SH3BP2: variants seen among roughly 807,000 people sequenced by gnomAD.
SH3BP2 encodes SH3 domain binding protein 2.
In SH3BP2, 38 loss-of-function variants were observed where a neutral mutation model predicts 56.2. That is an observed-to-expected ratio of 0.68 (90% CI 0.52 to 0.89). The LOEUF (loss-of-function observed/expected upper bound fraction) is 0.89, where lower values mean the gene tolerates loss of function less well. Ranked by LOEUF, SH3BP2 falls within the 40% of genes least tolerant of loss-of-function variation. SH3BP2 has a pLI of 0.00. For missense variants in SH3BP2, 748 were observed against 762.6 expected (o/e 0.98, Z 0.23); for synonymous variants, 346 against 316.7 (o/e 1.09, Z -0.98).
Position 2,812,738 on chromosome 4 carries a change from C to CA in SH3BP2, c.-4-7875dup, listed in dbSNP as rs1553803392. Among the ~76,000 whole-genome samples, 16 of 152,144 alleles carry CA rather than the reference C, an allele frequency of 1.1e-4. No homozygotes were observed. In the South Asian group the frequency reaches 2.7e-3, roughly 26 times the overall value. On this transcript the variant is annotated intron_variant, in intron 1 of 12. Transcript: ENST00000503393. ...ATACTTAGAACCCCCCCCACCCCCC[C>CA]ATCACATGCGGCCGACAGGGAGGCG...
intron 12 of SH3BP2, 90 bp downstream of exon 12, chr4:2,833,139 G>A (rs1725088934): frequency 3.3e-6 from 4 of 1,202,684 alleles, no homozygotes; most frequent in Non-Finnish European, 3.7e-6. Context: ...TAGGCAGCGG[G>A]TAGACTGAGA....
intron 6 of SH3BP2, 29 bp downstream of exon 6, chr4:2,827,347 G>A (rs375513553): frequency 4.3e-5 from 68 of 1,596,270 alleles, no homozygotes; most frequent in African/African-American, 2.5e-4. Context: ...TCCACTGCCC[G>A]TTTGCCTCTC....
At chr4:2,813,226 T>C (rs1202570831) in intron 1 of SH3BP2, among the ~76,000 whole-genome samples, 1 of 152,188 alleles carries the variant, frequency 6.6e-6, no homozygotes, top group Non-Finnish European at 1.5e-5. Flanking sequence ...CATCTGCACA[T>C]CCCACGCCCA....
At chr4:2,825,304 A>G in intron 5 of SH3BP2, 108 bp downstream of exon 5, 1 of 936,294 alleles carries the variant, frequency 1.1e-6, no homozygotes, top group Non-Finnish European at 1.7e-6. Context: ...TTCCGTCCTT[A>G]AAGGTTTCCT....
rs1386020465 is a variant in SH3BP2 at position 2,833,826 on chromosome 4, C to T, written c.1678C>T (p.Pro560Ser). 1 of 1,572,816 alleles carries T rather than the reference C, an allele frequency of 6.4e-7. No homozygotes were observed. Residue 560 changes from proline (P) to serine (S), a missense_variant, in exon 13 of 13, where the codon CCT becomes TCT. This residue lies in a region of SH3BP2 where 635 missense variants were observed against 615.0 expected (regional missense o/e 1.03). Coordinates refer to ENST00000503393, the MANE Select transcript of SH3BP2 (RefSeq NM_001122681.2). Reference protein sequence around the residue: ...LLRHPYGYTGPR With the variant: ...LLRHPYGYTGSR ...GCGGCACCCCTACGGCTACACTGGG[C>T]CTAGGTGATGGCAGTCCATGTGGCT... is the stretch of plus-strand genomic sequence containing the variant.
At chr4:2,803,960 G>T (rs1359556788) in intron 1 of SH3BP2, among the ~76,000 whole-genome samples, 2 of 152,152 alleles carry the variant, frequency 1.3e-5, no homozygotes, top group African/African-American at 4.8e-5. Context: ...TTGCCTGTAG[G>T]TGCTGTGCCT....
chr4:2,818,564 G>T (rs1348843017), intron 1 of SH3BP2, among the ~76,000 whole-genome samples: 1 of 152,180 alleles, frequency 6.6e-6, no homozygotes. Flanking sequence ...GGCGGATGGG[G>T]GACTCAGGCC....
intron 1 of SH3BP2, chr4:2,796,399 A>T (rs1723062962): frequency 1.0e-6 from 1 of 985,160 alleles, no homozygotes; most frequent in African/African-American, 1.7e-5. Context: ...AGGCCATGAG[A>T]GTGGTCAGGC....
Position 2,827,265 on chromosome 4 carries a change from C to T in SH3BP2, c.464C>T (p.Ala155Val), listed in dbSNP as rs35313240. The change falls in exon 6 of 13, where the codon GCA (alanine) becomes GTA (valine). Residue 155 changes from alanine (A) to valine (V), a missense_variant. Ala to Val is a moderately conservative substitution (Grantham distance 64). Coordinates refer to ENST00000503393, the MANE Select transcript of SH3BP2 (RefSeq NM_001122681.2). ...TCGGACACAGACAGCTTCTACGGCGCAGTTGAGCGGCCTGTGGATATCAGC... is the reference window on the plus strand; with the variant it reads ...TCGGACACAGACAGCTTCTACGGCGTAGTTGAGCGGCCTGTGGATATCAGC... Reference protein sequence around the residue: ...SSSDTDSFYGAVERPVDISLS... With the variant: ...SSSDTDSFYGVVERPVDISLS... 10,941 of 1,614,226 alleles carry T rather than the reference C, an allele frequency of 6.8e-3. 58 individuals carry two copies. The highest frequency in any genetic ancestry group is 0.014 in the Middle Eastern group (83 of 6,062).
At chr4:2,817,540 T>C (rs982196370) in intron 1 of SH3BP2, among the ~76,000 whole-genome samples, 1 of 152,166 alleles carries the variant, frequency 6.6e-6, no homozygotes, top group African/African-American at 2.4e-5. Context: ...CACACCTGCA[T>C]CTGGCCCATC....
chr4:2,811,691 G>A, intron 1 of SH3BP2: 4 of 155,632 alleles, frequency 2.6e-5, no homozygotes, highest in Non-Finnish European at 5.7e-5. Flanking sequence ...GAGCTGGTGT[G>A]GTTGCGGGGA....
intron 1 of SH3BP2, among the ~76,000 whole-genome samples, chr4:2,796,848 G>A (rs944899939): frequency 1.3e-5 from 2 of 152,238 alleles, no homozygotes; most frequent in Admixed American, 1.3e-4. Context: ...TGGCACACGG[G>A]GCTGAGGCCG....
At chr4:2,821,268 A>C (rs1724290247) in intron 2 of SH3BP2, among the ~76,000 whole-genome samples, 1 of 152,382 alleles carries the variant, frequency 6.6e-6, no homozygotes, top group South Asian at 2.1e-4. Context: ...CCTGAGCAGC[A>C]GGTGCTCCAT....
In SH3BP2 at chr4:2,833,030, A is replaced by AC; in HGVS notation, c.1530dup (p.Tyr511LeufsTer5). The AC allele has an allele frequency of 6.2e-7, 1 of 1,614,160 alleles. No individual in the cohort carries two copies. Among genetic ancestry groups the AC allele is most frequent in the Non-Finnish European group, 8.5e-7 (1 of 1,180,000 alleles). On this transcript the variant is annotated frameshift_variant, in exon 12 of 13. Transcript: ENST00000503393. LOFTEE classifies it high-confidence loss of function. The stretch of plus-strand genomic sequence containing the variant: ...GACGAAACCTCTAACAAAGTGAGGA[A>AC]CTATCGCATTTTTGAGAAGGTGAGA...
In SH3BP2 at chr4:2,793,114, C is replaced by T. The variant is rs1197719537; in HGVS notation, c.-29C>T. Reference sequence around the variant, plus strand: ...CAAGCCGCCGCCTCGACCCAGGGCCCGCGGGCCAGGAGAGCGCTCGGCGGG... The same window carrying T: ...CAAGCCGCCGCCTCGACCCAGGGCCTGCGGGCCAGGAGAGCGCTCGGCGGG... On this transcript the variant is annotated 5_prime_UTR_variant, in exon 1 of 13. Coordinates refer to ENST00000503393, the MANE Select transcript of SH3BP2 (RefSeq NM_001122681.2). 1 of 148,806 alleles carries T rather than the reference C, an allele frequency of 6.7e-6. No homozygotes were observed. The highest frequency in any genetic ancestry group is 2.5e-5 in the African/African-American group (1 of 40,126). 9.2% of individuals were successfully genotyped at this position (148,806 alleles called of 1,614,324 possible).
Position 2,829,523 on chromosome 4 carries a change from C to A in SH3BP2, c.617C>A (p.Pro206Gln). The change falls in exon 8 of 13, where the codon CCA (proline) becomes CAA (glutamine). Residue 206 changes from proline to glutamine, a missense_variant. By Grantham distance (76) the Pro-to-Gln change is moderately conservative. Transcript: ENST00000503393. The surrounding 1 kb of genome is among the most constrained non-coding windows in gnomAD (Gnocchi z 4.9). ...DALMHPPAYP[P>Q]PPVPTPRKPA... ...CTGATGCACCCACCGGCTTACCCAC[C>A]ACCCCCAGTGCCCACGCCCAGGAAG... 1 of 1,613,630 alleles carries A rather than the reference C, an allele frequency of 6.2e-7. No individual in the cohort carries two copies. Among genetic ancestry groups the A allele is most frequent in the Non-Finnish European group, 8.5e-7 (1 of 1,179,994 alleles).
chr4:2,816,812 T>G (rs926903501), intron 1 of SH3BP2, among the ~76,000 whole-genome samples: 25 of 152,194 alleles, frequency 1.6e-4, no homozygotes, highest in African/African-American at 5.8e-4. Context: ...GAATCCCTTT[T>G]ATATGTTGCA....
rs1725328023 is a variant in SH3BP2, at chr4:2,838,983, A to T, written c.*5149A>T. On this transcript the variant is annotated 3_prime_UTR_variant, in exon 13 of 13. Transcript: ENST00000503393. The stretch of plus-strand genomic sequence containing the variant: ...TAAAACAGAATTCCCTTGCCTTCCC[A>T]TCCTTGGCAGACATTTCACTTTTGC... 1 of 152,104 alleles carries T rather than the reference A, an allele frequency of 6.6e-6. No individual in the cohort carries two copies. The allele number at this position is 152,104 out of a possible 1,614,324, so 9.4% of individuals were successfully genotyped here. A position where few individuals can be genotyped will look rare whatever the true frequency, so the allele number is the denominator to read the frequency against.
At chr4:2,833,229 C>A in intron 12 of SH3BP2, 180 bp downstream of exon 12, 1 of 671,840 alleles carries the variant, frequency 1.5e-6, no homozygotes, top group African/African-American at 1.8e-5. Context: ...CCTCCCTCCT[C>A]TCGTGGCCTA....
Sources: allele counts gnomAD v4.1 joint callset (sites outside exome capture counted in the v4.1 genomes callset), GRCh38; gene constraint gnomAD v4.1.1; regional missense constraint gnomAD v4.1.1; non-coding constraint Gnocchi (gnomAD v3.1); transcripts MANE v1.5; gene names NCBI Gene and HGNC (gene_info 2026-07-23, HGNC 2026-07-21).